The following SELENOF variants were observed in gnomAD, a reference collection of about 807,000 sequenced individuals.
SELENOF encodes 15 kDa selenoprotein.
In SELENOF, 16 loss-of-function variants were observed where a neutral mutation model predicts 20.5. The observed-to-expected ratio is 0.78, with a 90% confidence interval of 0.53 to 1.19. The LOEUF (loss-of-function observed/expected upper bound fraction) is 1.19, where lower values mean the gene tolerates loss of function less well. Ranked by LOEUF, SELENOF falls within the 50% of genes most tolerant of loss-of-function variation. The pLI is 0.00. For missense variants in SELENOF, 215 were observed against 194.2 expected, an observed-to-expected ratio of 1.11 and a Z score of -0.64; for synonymous variants, 78 against 74.5, an observed-to-expected ratio of 1.05 and a Z score of -0.24.
intron 2 of SELENOF, among the ~76,000 whole-genome samples, chr1:86,888,321 G>T: frequency 6.6e-6 from 1 of 151,748 alleles, no homozygotes; most frequent in South Asian, 2.1e-4. Context: ...CATAGTAAGT[G>T]TTTTTAAATG....
At chr1:86,891,920 T>C (rs1659391842) in intron 2 of SELENOF, among the ~76,000 whole-genome samples, 1 of 146,156 alleles carries the variant, frequency 6.8e-6, no homozygotes, top group South Asian at 2.1e-4. Flanking sequence ...TAAACATTTA[T>C]GTTATTATTT....
intron 4 of SELENOF, 28 bp from the exon 5 acceptor site, chr1:86,863,633 C>G: frequency 2.5e-6 from 4 of 1,607,174 alleles, no homozygotes; most frequent in Non-Finnish European, 3.4e-6. Context: ...GTCATCATTA[C>G]TTTCTGTTCA....
chr1:86,886,629 AAG>A (rs1659227701), intron 2 of SELENOF, among the ~76,000 whole-genome samples: 1 of 152,286 alleles, frequency 6.6e-6, no homozygotes, highest in Admixed American at 6.5e-5. Context: ...TTTATATTAA[AAG>A]AAGTTTTTCA....
At chr1:86,894,174 T>G (rs1457476662) in intron 2 of SELENOF, among the ~76,000 whole-genome samples, 2 of 151,346 alleles carry the variant, frequency 1.3e-5, no homozygotes, top group South Asian at 2.1e-4. Context: ...CTGGAGGTTT[T>G]TTTTTTTTTT....
intron 2 of SELENOF, among the ~76,000 whole-genome samples, chr1:86,884,431 G>A (rs1445500209): frequency 6.6e-6 from 1 of 151,770 alleles, no homozygotes; most frequent in Non-Finnish European, 1.5e-5. Flanking sequence ...GATTTGTGGT[G>A]TTCACTGGAA....
intron 2 of SELENOF, among the ~76,000 whole-genome samples, chr1:86,884,091 A>G (rs1444726363): frequency 6.6e-6 from 1 of 152,150 alleles, no homozygotes. Context: ...AAATGTCTTA[A>G]TTTCCCCCAG....
chr1:86,867,639 A>G (rs1040998419), intron 4 of SELENOF, among the ~76,000 whole-genome samples: 1 of 152,176 alleles, frequency 6.6e-6, no homozygotes, highest in Non-Finnish European at 1.5e-5. Context: ...GTAATGGTAG[A>G]TATGTAATAT....
intron 3 of SELENOF, among the ~76,000 whole-genome samples, chr1:86,870,237 T>C (rs1381914939): frequency 1.3e-5 from 2 of 152,230 alleles, no homozygotes; most frequent in African/African-American, 4.8e-5. Flanking sequence ...TTTGCTTCAT[T>C]GTGAACGTCT....
At chr1:86,904,567 A>G (rs1659783106) in intron 1 of SELENOF, among the ~76,000 whole-genome samples, 1 of 152,130 alleles carries the variant, frequency 6.6e-6, no homozygotes, top group Admixed American at 6.6e-5. Flanking sequence ...TCATTTCATC[A>G]ATACTTCAAC....
At chr1:86,894,920 A>AT (rs1659481533) in intron 2 of SELENOF, among the ~76,000 whole-genome samples, 1 of 152,184 alleles carries the variant, frequency 6.6e-6, no homozygotes, top group African/African-American at 2.4e-5. Flanking sequence ...GTCTTGAGAC[A>AT]TTTTTTATTA....
intron 2 of SELENOF, among the ~76,000 whole-genome samples, chr1:86,892,627 C>T (rs1255972292): frequency 6.6e-6 from 1 of 152,208 alleles, no homozygotes; most frequent in Non-Finnish European, 1.5e-5. Context: ...TGAGTAACTG[C>T]AACTGGCTAC....
chr1:86,910,787 C>G (rs1406811071), intron 1 of SELENOF, among the ~76,000 whole-genome samples: 4 of 151,490 alleles, frequency 2.6e-5, no homozygotes, highest in Admixed American at 2.6e-4. Flanking sequence ...TGAATCATAT[C>G]TAAGGCAGAG....
intron 2 of SELENOF, among the ~76,000 whole-genome samples, chr1:86,898,345 G>A (rs1424446515): frequency 6.6e-6 from 1 of 152,162 alleles, no homozygotes; most frequent in African/African-American, 2.4e-5. Context: ...GGGTTTCAAA[G>A]ACATTTTCTG....
intron 2 of SELENOF, chr1:86,887,121 C>T (rs1477083755): frequency 1.3e-6 from 2 of 1,507,466 alleles, no homozygotes; most frequent in South Asian, 1.3e-5. Flanking sequence ...CAAGTCTTCC[C>T]CATACTTTCT....
chr1:86,872,432 G>C (rs890062637), intron 3 of SELENOF, among the ~76,000 whole-genome samples: 62 of 152,046 alleles, frequency 4.1e-4, no homozygotes, highest in African/African-American at 1.4e-3. Flanking sequence ...GCAATTGCAC[G>C]ATCTTGGCTC....
chr1:86,907,939 T>G (rs1442854037), intron 1 of SELENOF, among the ~76,000 whole-genome samples: 1 of 151,828 alleles, frequency 6.6e-6, no homozygotes, highest in Non-Finnish European at 1.5e-5. Flanking sequence ...TAAGCTGAGA[T>G]TGCACCATTG....
At chr1:86,884,122 A>C (rs1035585622) in intron 2 of SELENOF, among the ~76,000 whole-genome samples, 1 of 152,184 alleles carries the variant, frequency 6.6e-6, no homozygotes, top group African/African-American at 2.4e-5. Context: ...AAAGCTTCTC[A>C]ATATAGGTGT....
chr1:86,863,735 C>T (rs1466108937), intron 4 of SELENOF, 130 bp from the exon 5 acceptor site: 2 of 741,342 alleles, frequency 2.7e-6, no homozygotes, highest in East Asian at 6.0e-5. Flanking sequence ...TGACAATAAA[C>T]AAGTCTTAAA....
rs142756978 is a variant in SELENOF at position 86,884,346 on chromosome 1, TACACACAC to T, written c.253-3629_253-3622del. 3.6e-3 allele frequency among the ~76,000 whole-genome samples: 519 copies of T among 145,548 alleles called. 3 individuals are homozygous for T. The highest frequency in any genetic ancestry group is 9.5e-3 in the African/African-American group (382 of 40,350). ...TGTGTTGTTAGCGGGCGCACATACA[TACACACAC>T]ACACACACACACACACACACACATA... On this transcript the variant is annotated intron_variant, in intron 2 of 4. Transcript: ENST00000331835.
Sources: allele counts gnomAD v4.1 joint callset (sites outside exome capture counted in the v4.1 genomes callset), GRCh38; gene constraint gnomAD v4.1.1; transcripts MANE v1.5; gene names NCBI Gene and HGNC (gene_info 2026-07-23, HGNC 2026-07-21).